CPNE4: variants seen among roughly 807,000 people sequenced by gnomAD.
CPNE4 encodes copine 4.
A neutral mutation model predicts 67.9 loss-of-function variants in CPNE4; 25 were observed. The observed-to-expected ratio is 0.37, with a 90% CI of 0.27 to 0.51. CPNE4 has a LOEUF of 0.51. Among genes scored for constraint, CPNE4 ranks in the 20% least tolerant of loss-of-function variants. The pLI, the probability that CPNE4 is intolerant of heterozygous loss-of-function variation, is 0.93. For synonymous variants in CPNE4, 242 were observed against 244.9 expected, an observed-to-expected ratio of 0.99 and a Z score of 0.11; for missense variants, 464 against 690.8, an observed-to-expected ratio of 0.67 and a Z score of 3.68.
intron 2 of CPNE4, among the ~76,000 whole-genome samples, chr3:131,847,140 T>A (rs1436909733): frequency 6.6e-6 from 1 of 152,332 alleles, no homozygotes; most frequent in African/African-American, 2.4e-5. Flanking sequence ...CAGGTGTGTG[T>A]TCCTGCCATT....
At chr3:131,627,973 G>A (rs1252489438) in intron 7 of CPNE4, among the ~76,000 whole-genome samples, 1 of 152,216 alleles carries the variant, frequency 6.6e-6, no homozygotes, top group East Asian at 1.9e-4. Context: ...TATAAAATTA[G>A]TTGATAAAGC....
rs560985406 is a variant in CPNE4 at position 131,618,070 on chromosome 3, G to A, written c.682-30488C>T. On this transcript the variant is annotated intron_variant, in intron 7 of 15. Coordinates refer to ENST00000429747, the MANE Select transcript of CPNE4 (RefSeq NM_130808.3). The stretch of plus-strand genomic sequence containing the variant: ...AGTGTGTATGGGGAGGTGAGCTCAG[G>A]GTATGGGAGACATCACTTTGGAACT... 3.3e-5 allele frequency among the ~76,000 whole-genome samples: 5 copies of A among 152,230 alleles called. No individual in the cohort carries two copies. The South Asian group carries it at 8.3e-4, about 25-fold the overall frequency.
intron 2 of CPNE4, among the ~76,000 whole-genome samples, chr3:131,727,303 T>C (rs2082023050): frequency 6.6e-6 from 1 of 151,936 alleles, no homozygotes; most frequent in Non-Finnish European, 1.5e-5. Context: ...TTTAAAAATA[T>C]CTAAAACACG....
At chr3:131,572,761 T>C (rs1937401200) in intron 10 of CPNE4, among the ~76,000 whole-genome samples, 1 of 151,676 alleles carries the variant, frequency 6.6e-6, no homozygotes, top group African/African-American at 2.4e-5. Flanking sequence ...CCAATGGGGG[T>C]TTTTGCCTCT....
intron 1 of CPNE4, among the ~76,000 whole-genome samples, chr3:131,926,895 C>T (rs1164288024): frequency 2.0e-5 from 3 of 152,076 alleles, no homozygotes; most frequent in African/African-American, 7.2e-5. Flanking sequence ...AGAGATGGAA[C>T]AGCTTGGGCG....
chr3:131,575,166 AG>A (rs749853716), intron 9 of CPNE4, 36 bp from the exon 10 acceptor site: 1 of 1,570,328 alleles, frequency 6.4e-7, no homozygotes, highest in East Asian at 2.2e-5. Flanking sequence ...GGTTAATAAC[AG>A]CACAGTCTAT....
chr3:131,837,660 T>C (rs1376798798), intron 2 of CPNE4, among the ~76,000 whole-genome samples: 2 of 151,766 alleles, frequency 1.3e-5, no homozygotes, highest in Non-Finnish European at 2.9e-5. Context: ...TGTAATAAAA[T>C]TGATAGAACT....
At chr3:131,801,631 T>G (rs1229076412) in intron 2 of CPNE4, among the ~76,000 whole-genome samples, 2 of 148,252 alleles carry the variant, frequency 1.3e-5, no homozygotes, top group Non-Finnish European at 3.0e-5. Flanking sequence ...ATCGGGCAGG[T>G]TGGAGAGGTA....
At chr3:131,754,518 T>C (rs1368166449) in intron 2 of CPNE4, among the ~76,000 whole-genome samples, 3 of 152,172 alleles carry the variant, frequency 2.0e-5, no homozygotes, top group Admixed American at 6.6e-5. Context: ...ATACCAAATA[T>C]AGATATACTA....
chr3:132,025,144 A>G (rs6439335), intron 1 of CPNE4, among the ~76,000 whole-genome samples: 139,658 of 152,290 alleles, frequency 0.92, 64,261 homozygotes, highest in African/African-American at 0.94. Context: ...CTTGAAGATA[A>G]TATTTTATGC....
chr3:131,612,114 C>T (rs1340109791), intron 7 of CPNE4, among the ~76,000 whole-genome samples: 1 of 152,126 alleles, frequency 6.6e-6, no homozygotes, highest in Non-Finnish European at 1.5e-5. Context: ...TGGCTCATGC[C>T]TATAATCTCA....
intron 2 of CPNE4, among the ~76,000 whole-genome samples, chr3:131,786,069 A>G (rs2083554656): frequency 1.3e-5 from 2 of 152,054 alleles, no homozygotes; most frequent in Non-Finnish European, 2.9e-5. Context: ...CTTGTTTTAC[A>G]TGAAGGTAGG....
At position 131,626,427 on chromosome 3, in the gene CPNE4, G is replaced by T. The variant is rs542997676; in HGVS notation, c.682-38845C>A. 1.1e-4 allele frequency among the ~76,000 whole-genome samples: 16 copies of T among 152,318 alleles called. No homozygotes were observed. The South Asian group carries it at 3.3e-3, about 32-fold the overall frequency. On this transcript the variant is annotated intron_variant, in intron 7 of 15. Coordinates refer to ENST00000429747, the MANE Select transcript of CPNE4 (RefSeq NM_130808.3). ...GAGACTTTTTGCTGATAGGGAGAAAGTTTTAGTGGTTCGGATAAAAAATCA... is the reference window on the plus strand; with the variant it reads ...GAGACTTTTTGCTGATAGGGAGAAATTTTTAGTGGTTCGGATAAAAAATCA...
At chr3:131,760,675 G>T (rs2082863617) in intron 2 of CPNE4, among the ~76,000 whole-genome samples, 1 of 152,154 alleles carries the variant, frequency 6.6e-6, no homozygotes, top group Admixed American at 6.6e-5. Flanking sequence ...TGCTATTGAG[G>T]ATGATTTGCC....
intron 2 of CPNE4, among the ~76,000 whole-genome samples, chr3:131,901,683 C>T (rs2088556825): frequency 6.6e-6 from 1 of 151,988 alleles, no homozygotes; most frequent in Admixed American, 6.6e-5. Context: ...GAAATGTTGC[C>T]TAGAAGAGTC....
chr3:131,559,994 T>A (rs540663015), intron 11 of CPNE4, among the ~76,000 whole-genome samples: 8 of 152,048 alleles, frequency 5.3e-5, no homozygotes, highest in African/African-American at 1.7e-4. Flanking sequence ...ATTTTAATAT[T>A]TTTTTTAAAA....
intron 2 of CPNE4, among the ~76,000 whole-genome samples, chr3:131,750,413 C>T (rs960339701): frequency 6.6e-6 from 1 of 152,164 alleles, no homozygotes; most frequent in East Asian, 1.9e-4. Flanking sequence ...GTTACTTGAA[C>T]ATTTTTTTAA....
intron 2 of CPNE4, among the ~76,000 whole-genome samples, chr3:131,783,607 T>G (rs2083480110): frequency 6.6e-6 from 1 of 152,056 alleles, no homozygotes; most frequent in Non-Finnish European, 1.5e-5. Context: ...TTTTGCAGCC[T>G]GGTTGTATGG....
chr3:131,665,660 AAAAC>A (rs145982956), intron 7 of CPNE4, among the ~76,000 whole-genome samples: 67 of 148,708 alleles, frequency 4.5e-4, no homozygotes, highest in East Asian at 3.4e-3. Flanking sequence ...GTCCATCTCA[AAAAC>A]AAACAAACAA....
Sources: gnomAD v4.1 joint callset for allele counts (sites outside exome capture counted in the v4.1 genomes callset) on GRCh38, gnomAD v4.1.1 for gene constraint, MANE v1.5 for transcripts, NCBI Gene and HGNC (gene_info 2026-07-23, HGNC 2026-07-21) for gene names.